The following FAM185A variants were observed in gnomAD, a reference collection of about 807,000 sequenced individuals.
FAM185A encodes protein FAM185A.
A neutral mutation model predicts 45.7 loss-of-function variants in FAM185A; 21 were observed. The observed-to-expected ratio is 0.46, with a 90% CI of 0.33 to 0.66. The LOEUF (loss-of-function observed/expected upper bound fraction) is 0.66, where lower values mean the gene tolerates loss of function less well. Among genes scored for constraint, FAM185A ranks in the 30% least tolerant of loss-of-function variants. The probability of loss-of-function intolerance (pLI) is 0.03; values close to 1 mark genes in which losing one functional copy is unlikely to be tolerated. For synonymous variants in FAM185A, 117 were observed against 194.0 expected (o/e 0.60, Z 3.30); for missense variants, 305 against 485.4 (o/e 0.63, Z 3.49).
chr7:102,838,477 G>A, the FAM185A span, among the ~76,000 whole-genome samples: 2 of 151,828 alleles, frequency 1.3e-5, no homozygotes, highest in African/African-American at 2.4e-5. Context: ...TTGAGACAGA[G>A]TGTCACTCTG....
the FAM185A span, among the ~76,000 whole-genome samples, chr7:102,829,427 C>G: frequency 2.0e-5 from 3 of 152,322 alleles, no homozygotes; most frequent in East Asian, 5.8e-4. Context: ...TACCTTATCC[C>G]TCTCAGAGGT....
chr7:102,761,323 A>G lies in FAM185A; in HGVS notation c.705A>G (p.Glu235=), dbSNP rs1794092744. The change falls in exon 4 of 8, where the codon GAA becomes GAG. Residue 235 remains glutamate (E), a synonymous_variant. Transcript: ENST00000413034. ...LQGSSVTVST[E]DGLLKAKYLY... ...GAAGTTCTGTTACTGTATCTACCGA[A>G]GATGGTTTGCTGAAAGCCAAGTATC... 1 of 1,547,514 alleles carries G rather than the reference A, an allele frequency of 6.5e-7. No homozygotes were observed. Among genetic ancestry groups the G allele is most frequent in the East Asian group, 2.5e-5 (1 of 40,506 alleles).
At chr7:102,770,155 G>T (rs1298861828) in intron 4 of FAM185A, among the ~76,000 whole-genome samples, 2 of 151,756 alleles carry the variant, frequency 1.3e-5, no homozygotes, top group Admixed American at 6.6e-5. Flanking sequence ...AACTTTTTTG[G>T]TGTAGGATAG....
At position 102,749,504 on chromosome 7, in the gene FAM185A, C is replaced by A; in HGVS notation, c.297C>A (p.Asp99Glu). The change falls in exon 1 of 8, where the codon GAC becomes GAA. Residue 99 changes from aspartate to glutamate, a missense_variant. This residue lies in a region of FAM185A where 174 missense variants were observed against 247.1 expected (regional missense o/e 0.70). Coordinates refer to ENST00000413034, the MANE Select transcript of FAM185A (RefSeq NM_001145268.2). ...ACCCCCTCACCTACCCGGATGGCGA[C>A]CGCGTGCTGGTCGCGGTGTGCGGCG... ...PLDPLTYPDG[D>E]RVLVAVCGVE... 11 of 1,526,590 alleles carry A rather than the reference C, an allele frequency of 7.2e-6. No individual in the cohort carries two copies. The highest frequency in any genetic ancestry group is 9.7e-6 in the Non-Finnish European group (11 of 1,136,670). 94.6% of individuals were successfully genotyped at this position (1,526,590 alleles called of 1,614,324 possible).
intron 7 of FAM185A, among the ~76,000 whole-genome samples, chr7:102,791,317 A>C (rs1437008851): frequency 6.6e-6 from 1 of 152,034 alleles, no homozygotes; most frequent in African/African-American, 2.4e-5. Flanking sequence ...GCTTTTTAGG[A>C]GGTTACTGCA....
chr7:102,838,811 A>G, the FAM185A span, among the ~76,000 whole-genome samples: 11 of 152,304 alleles, frequency 7.2e-5, no homozygotes, highest in South Asian at 2.3e-3. Context: ...AGAAAGCCAT[A>G]GGGACCTCTG....
rs780544569 is a variant in FAM185A, at chr7:102,749,674, T to A, written c.451+16T>A. ...CTGAAGTTTGGCAAGTGAAGTGAAG[T>A]GAAAACGGGTTTGGGTCCCAGGGAA... On this transcript the variant is annotated intron_variant, in intron 1 of 7. Coordinates refer to ENST00000413034, the MANE Select transcript of FAM185A (RefSeq NM_001145268.2). The A allele has an allele frequency of 6.1e-6, 9 of 1,472,686 alleles. No homozygotes were observed. The highest frequency in any genetic ancestry group is 8.1e-6 in the Non-Finnish European group (9 of 1,115,308). 91.2% of individuals were successfully genotyped at this position (1,472,686 alleles called of 1,614,324 possible). A position where few individuals can be genotyped will look rare whatever the true frequency, so the allele number is the denominator to read the frequency against.
At position 102,808,367 on chromosome 7, in the gene FAM185A, C is replaced by A; in HGVS notation, c.1144C>A (p.Gln382Lys). The A allele has an allele frequency of 6.4e-7, 1 of 1,551,418 alleles. No homozygotes were observed. The highest frequency in any genetic ancestry group is 8.7e-7 in the Non-Finnish European group (1 of 1,146,752). The change falls in exon 8 of 8, where the codon CAA (glutamine) becomes AAA (lysine). Residue 382 changes from glutamine to lysine, a missense_variant. Coordinates refer to ENST00000413034, the MANE Select transcript of FAM185A (RefSeq NM_001145268.2). ...APKGTVSFRR[Q>K]SWFQSLKLQD ...AAAAGGCACTGTAAGTTTTAGAAGG[C>A]AAAGTTGGTTTCAGTCCCTGAAACT...
At chr7:102,840,785 T>C in the FAM185A span, among the ~76,000 whole-genome samples, 1 of 152,196 alleles carries the variant, frequency 6.6e-6, no homozygotes, top group East Asian at 1.9e-4. Context: ...GAACAAGTCA[T>C]GTTACCTCAA....
chr7:102,765,338 A>T (rs1043727383), intron 4 of FAM185A, among the ~76,000 whole-genome samples: 3 of 152,128 alleles, frequency 2.0e-5, no homozygotes, highest in Non-Finnish European at 2.9e-5. Context: ...TGTTCCATAC[A>T]GTGTTTGGGC....
chr7:102,808,440 T>A lies in FAM185A; in HGVS notation c.*38T>A. On this transcript the variant is annotated 3_prime_UTR_variant, in exon 8 of 8. Coordinates refer to ENST00000413034, the MANE Select transcript of FAM185A (RefSeq NM_001145268.2). ...TTGGATTTATGATTTTTAACAATGA[T>A]TCGCAGATCTGTGACTACAAAAATG... is the stretch of plus-strand genomic sequence containing the variant. 1 of 1,215,620 alleles carries A rather than the reference T, an allele frequency of 8.2e-7. No individual in the cohort carries two copies. 75.3% of individuals were successfully genotyped at this position (1,215,620 alleles called of 1,614,324 possible). A position where few individuals can be genotyped will look rare whatever the true frequency, so the allele number is the denominator to read the frequency against.
the FAM185A span, among the ~76,000 whole-genome samples, chr7:102,840,917 CTG>C: frequency 6.6e-6 from 1 of 152,136 alleles, no homozygotes; most frequent in East Asian, 1.9e-4. Context: ...TGGCTTTTGT[CTG>C]TGAACCAGAG....
the FAM185A span, among the ~76,000 whole-genome samples, chr7:102,839,259 A>C: frequency 6.6e-6 from 1 of 152,074 alleles, no homozygotes; most frequent in Non-Finnish European, 1.5e-5. Context: ...TTTCTTGCTG[A>C]CCTTCTCCCC....
At chr7:102,833,848 C>A in the FAM185A span, among the ~76,000 whole-genome samples, 6 of 151,916 alleles carry the variant, frequency 3.9e-5, no homozygotes. Context: ...ATCAATACTT[C>A]TTAATTTTCA....
At chr7:102,818,449 G>A in the FAM185A span, among the ~76,000 whole-genome samples, 5 of 152,316 alleles carry the variant, frequency 3.3e-5, no homozygotes, top group South Asian at 2.1e-4. Flanking sequence ...AGCACAGTAC[G>A]TGGCAAATAA....
intron 7 of FAM185A, among the ~76,000 whole-genome samples, chr7:102,798,802 C>A (rs964660631): frequency 7.9e-5 from 12 of 151,960 alleles, no homozygotes; most frequent in Admixed American, 6.6e-4. Context: ...GACTGGAGTG[C>A]AATGGCACAA....
chr7:102,802,923 A>G (rs1234115040), intron 7 of FAM185A, among the ~76,000 whole-genome samples: 2 of 152,160 alleles, frequency 1.3e-5, no homozygotes, highest in East Asian at 3.8e-4. Context: ...CATATAAACT[A>G]GAAAACCTAG....
At chr7:102,763,800 T>C (rs1328712408) in intron 4 of FAM185A, among the ~76,000 whole-genome samples, 1 of 152,364 alleles carries the variant, frequency 6.6e-6, no homozygotes, top group East Asian at 1.9e-4. Flanking sequence ...ACTACAGTTA[T>C]ATTTATTCAT....
At position 102,807,930 on chromosome 7, in the gene FAM185A, G is replaced by A. The variant is rs536866074; in HGVS notation, c.1067-360G>A. On this transcript the variant is annotated intron_variant, in intron 7 of 7. Coordinates refer to ENST00000413034, the MANE Select transcript of FAM185A (RefSeq NM_001145268.2). ...AAAAAAATTAGCCGGGCATGGTGGCGCGTGCCTGTAGTCCCAGCTACTTCG... is the reference window on the plus strand; with the variant it reads ...AAAAAAATTAGCCGGGCATGGTGGCACGTGCCTGTAGTCCCAGCTACTTCG... Among the ~76,000 whole-genome samples, 5 of 152,174 alleles carry A rather than the reference G, an allele frequency of 3.3e-5. No individual in the cohort carries two copies. In the East Asian group the frequency reaches 9.7e-4, roughly 29 times the overall value.
Sources: gnomAD v4.1 joint callset for allele counts (sites outside exome capture counted in the v4.1 genomes callset) on GRCh38, gnomAD v4.1.1 for gene constraint, gnomAD v4.1.1 regional missense constraint, MANE v1.5 for transcripts, NCBI Gene and HGNC (gene_info 2026-07-23, HGNC 2026-07-21) for gene names.